The following ODC1 variants were observed in gnomAD, a reference collection of about 807,000 sequenced individuals.
ODC1 encodes ornithine decarboxylase 1.
ODC1 carries 18 observed loss-of-function variants against 41.5 expected under a neutral mutation model. That is an observed-to-expected ratio of 0.43 (90% CI 0.30 to 0.64). The LOEUF is 0.64. Ranked by LOEUF, ODC1 falls within the 30% of genes least tolerant of loss-of-function variation. The probability of loss-of-function intolerance (pLI) is 0.11; values close to 1 mark genes in which losing one functional copy is unlikely to be tolerated. For synonymous variants in ODC1, 218 were observed against 211.6 expected (o/e 1.03, Z -0.26); for missense variants, 504 against 589.0 (o/e 0.86, Z 1.49).
Position 10,444,162 on chromosome 2 carries a change from C to T in ODC1, c.382G>A (p.Val128Ile), listed in dbSNP as rs757710300. Residue 128 changes from valine (V) to isoleucine (I), a missense_variant, in exon 5 of 12, where the codon GTC becomes ATC. Physicochemically the swap from Val to Ile is conservative, Grantham distance 29. Transcript: ENST00000234111. Reference sequence around the variant, plus strand: ...TCACTATCAAAAGTCATCATCTGGACTCCATTATTAGCAGCATACTTAATT... The same window carrying T: ...TCACTATCAAAAGTCATCATCTGGATTCCATTATTAGCAGCATACTTAATT... ...SQIKYAANNGVQMMTFDSEVE... is the reference protein window; with the variant it reads ...SQIKYAANNGIQMMTFDSEVE... The T allele has an allele frequency of 1.9e-6, 3 of 1,612,426 alleles. No individual in the cohort carries two copies. The highest frequency in any genetic ancestry group is 1.3e-5 in the African/African-American group (1 of 74,844).
chr2:10,442,795 C>T (rs575250146), intron 8 of ODC1, among the ~76,000 whole-genome samples: 12 of 152,216 alleles, frequency 7.9e-5, no homozygotes, highest in African/African-American at 2.4e-4. Flanking sequence ...ACTGCAGCCT[C>T]AACCTCCTGG....
At chr2:10,442,401 G>A (rs1671860782) in intron 8 of ODC1, among the ~76,000 whole-genome samples, 1 of 152,120 alleles carries the variant, frequency 6.6e-6, no homozygotes, top group African/African-American at 2.4e-5. Context: ...ATCTCCTTTA[G>A]GATGTTATGG....
chr2:10,443,236 A>G lies in ODC1; in HGVS notation c.744T>C (p.Phe248=), dbSNP rs1671890586. The G allele has an allele frequency of 6.2e-7, 1 of 1,609,018 alleles. No homozygotes were observed. The highest frequency in any genetic ancestry group is 8.5e-7 in the Non-Finnish European group (1 of 1,178,456). Residue 248 remains phenylalanine, a synonymous_variant, in exon 8 of 12, where the codon TTT becomes TTC. Transcript: ENST00000234111. Reference sequence around the variant, plus strand: ...CAGTTTTGTTCTAAATTACCTCTTCAAATTTAAGTTTCACATCCTCAGATC... The same window carrying G: ...CAGTTTTGTTCTAAATTACCTCTTCGAATTTAAGTTTCACATCCTCAGATC... ...FPGSEDVKLK[F]EEITGVINPA...
intron 5 of ODC1, 110 bp downstream of exon 5, chr2:10,443,985 T>C: frequency 1.4e-6 from 2 of 1,453,454 alleles, no homozygotes; most frequent in South Asian, 2.7e-5. Flanking sequence ...GGGTTTCAAC[T>C]ACTTTCTACT....
intron 8 of ODC1, 30 bp downstream of exon 8, chr2:10,443,197 GCTA>G (rs771087689): frequency 7.6e-5 from 114 of 1,496,044 alleles, no homozygotes; most frequent in African/African-American, 1.1e-4. Flanking sequence ...TATTAGAACG[GCTA>G]CTGAGTATTA....
chr2:10,440,952 T>A, intron 11 of ODC1, 84 bp from the exon 12 acceptor site: 1 of 1,490,724 alleles, frequency 6.7e-7, no homozygotes, highest in African/African-American at 1.4e-5. Flanking sequence ...CAGGAAACAA[T>A]TCAATGTATT....
At chr2:10,443,131 G>A (rs969751925) in intron 8 of ODC1, 99 bp downstream of exon 8, 9 of 875,544 alleles carry the variant, frequency 1.0e-5, no homozygotes, top group Non-Finnish European at 1.3e-5. Context: ...AGACACTTCA[G>A]CCCATTGTGG....
intron 4 of ODC1, 30 bp from the exon 5 acceptor site, chr2:10,444,297 C>A: frequency 6.4e-7 from 1 of 1,551,410 alleles, no homozygotes; most frequent in South Asian, 1.3e-5. Context: ...TCATGCTATC[C>A]ATATGTGGCT....
At chr2:10,445,131 C>T (rs1346238660) in intron 2 of ODC1, 24 bp downstream of exon 2, 2 of 717,822 alleles carry the variant, frequency 2.8e-6, no homozygotes, top group Non-Finnish European at 5.0e-6. Context: ...TAACCTGCAA[C>T]ATAAATGTAA....
intron 5 of ODC1, 102 bp from the exon 6 acceptor site, chr2:10,443,938 T>C: frequency 6.5e-7 from 1 of 1,530,316 alleles, no homozygotes; most frequent in Non-Finnish European, 8.9e-7. Flanking sequence ...CGCTGATATA[T>C]TCTGTAGTTT....
chr2:10,442,314 A>C (rs1188969965), intron 8 of ODC1, 140 bp from the exon 9 acceptor site: 1 of 855,630 alleles, frequency 1.2e-6, no homozygotes, highest in African/African-American at 1.7e-5. Context: ...TAACAAAAGC[A>C]AAAAAACATC....
intron 1 of ODC1, among the ~76,000 whole-genome samples, chr2:10,445,982 C>T (rs995522884): frequency 6.6e-6 from 1 of 152,194 alleles, no homozygotes; most frequent in African/African-American, 2.4e-5. Flanking sequence ...TTTTTACTGA[C>T]CAACAGGCAT....
At chr2:10,444,302 G>A in intron 4 of ODC1, 35 bp from the exon 5 acceptor site, 1 of 1,549,978 alleles carries the variant, frequency 6.5e-7, no homozygotes, top group Non-Finnish European at 8.7e-7. Flanking sequence ...CTATCCATAT[G>A]TGGCTTAACA....
At chr2:10,443,637 G>C (rs758826625) in intron 6 of ODC1, 65 bp downstream of exon 6, 2 of 1,607,266 alleles carry the variant, frequency 1.2e-6, no homozygotes, top group Non-Finnish European at 1.7e-6. Flanking sequence ...CAAACACTAG[G>C]AGAAAGCCTG....
At chr2:10,444,716 C>A (rs953678951) in intron 3 of ODC1, 69 bp from the exon 4 acceptor site, 121 of 1,378,842 alleles carry the variant, frequency 8.8e-5, no homozygotes, top group Non-Finnish European at 1.2e-4. Flanking sequence ...AGCCAGCGAC[C>A]TTCATTCCCA....
chr2:10,443,508 G>A lies in ODC1; in HGVS notation c.648C>T (p.Arg216=), dbSNP rs769574543. Residue 216 remains arginine, a synonymous_variant, in exon 7 of 12, where the codon CGC becomes CGT. Coordinates refer to ENST00000234111, the MANE Select transcript of ODC1 (RefSeq NM_002539.3). ...ETFVQAISDA[R]CVFDMGAEVG... is the part of the protein sequence containing the mutation. ...TACTCACCCCCATGTCAAAAACACA[G>A]CGGGCATCAGAGATTGCCTGCACGA... The A allele has an allele frequency of 6.2e-6, 10 of 1,613,862 alleles. No homozygotes were observed. The highest frequency in any genetic ancestry group is 4.4e-5 in the South Asian group (4 of 91,082).
chr2:10,444,833 G>T, intron 3 of ODC1, 98 bp downstream of exon 3: 1 of 920,616 alleles, frequency 1.1e-6, no homozygotes, highest in Non-Finnish European at 1.7e-6. Context: ...TCCATAACAA[G>T]ACATGTAAGC....
intron 1 of ODC1, among the ~76,000 whole-genome samples, chr2:10,447,188 A>G (rs1276612458): frequency 1.3e-5 from 2 of 152,308 alleles, no homozygotes; most frequent in South Asian, 4.1e-4. Context: ...ACTTACTTGA[A>G]TATATTTTAC....
chr2:10,447,831 A>G (rs1672081391), intron 1 of ODC1: 1 of 152,286 alleles, frequency 6.6e-6, no homozygotes, highest in African/African-American at 2.4e-5. Flanking sequence ...GGGTTGGGAA[A>G]GAGGCCGGCG....
Sources: allele counts gnomAD v4.1 joint callset (sites outside exome capture counted in the v4.1 genomes callset), GRCh38; gene constraint gnomAD v4.1.1; transcripts MANE v1.5; gene names NCBI Gene and HGNC (gene_info 2026-07-23, HGNC 2026-07-21).